VAV3: variants seen among roughly 807,000 people sequenced by gnomAD.
The protein encoded by VAV3 is vav guanine nucleotide exchange factor 3, also known as guanine nucleotide exchange factor VAV3.
A neutral mutation model predicts 131.2 loss-of-function variants in VAV3; 94 were observed. The observed-to-expected ratio is 0.72, with a 90% CI of 0.61 to 0.85. VAV3 has a LOEUF of 0.85. Ranked by LOEUF, VAV3 falls within the 40% of genes least tolerant of loss-of-function variation. The pLI is 0.00. For synonymous variants in VAV3, 349 were observed against 342.0 expected, an observed-to-expected ratio of 1.02 and a Z score of -0.22; for missense variants, 939 against 1,002.7, an observed-to-expected ratio of 0.94 and a Z score of 0.86.
At chr1:107,690,821 C>T (rs1659378931) in intron 17 of VAV3, among the ~76,000 whole-genome samples, 1 of 152,114 alleles carries the variant, frequency 6.6e-6, no homozygotes. Flanking sequence ...CCTTCCTGTC[C>T]TCATGGCCAC....
intron 25 of VAV3, among the ~76,000 whole-genome samples, chr1:107,588,719 TC>T (rs1184078783): frequency 6.6e-6 from 1 of 152,242 alleles, no homozygotes; most frequent in East Asian, 1.9e-4. Context: ...AGAAATCTTT[TC>T]ATGGTACTTC....
At chr1:107,781,438 T>C (rs1665683797) in intron 2 of VAV3, among the ~76,000 whole-genome samples, 1 of 152,236 alleles carries the variant, frequency 6.6e-6, no homozygotes, top group South Asian at 2.1e-4. Context: ...ATGCAATACA[T>C]ATGTTAATTA....
chr1:107,732,871 C>A (rs1466565745), intron 15 of VAV3, among the ~76,000 whole-genome samples: 1 of 152,200 alleles, frequency 6.6e-6, no homozygotes, highest in African/African-American at 2.4e-5. Flanking sequence ...GTTCTCCCGG[C>A]ATGGTGTTTG....
At chr1:107,933,046 T>A (rs1317444188) in intron 1 of VAV3, among the ~76,000 whole-genome samples, 2 of 152,218 alleles carry the variant, frequency 1.3e-5, no homozygotes. Flanking sequence ...TGTTAAGGAA[T>A]ATATCTCCCC....
chr1:107,962,343 AG>A (rs1340308575), intron 1 of VAV3, among the ~76,000 whole-genome samples: 1 of 152,240 alleles, frequency 6.6e-6, no homozygotes, highest in African/African-American at 2.4e-5. Flanking sequence ...CAAAATGTCT[AG>A]GGTTATCAGC....
chr1:107,623,850 A>C (rs1014654207), intron 20 of VAV3, among the ~76,000 whole-genome samples: 2 of 152,218 alleles, frequency 1.3e-5, no homozygotes, highest in African/African-American at 4.8e-5. Context: ...TTCAAAAGAC[A>C]GTACAAAATG....
intron 1 of VAV3, among the ~76,000 whole-genome samples, chr1:107,941,410 T>C (rs1178309415): frequency 2.0e-5 from 3 of 152,194 alleles, no homozygotes. Context: ...AAAAACTGCT[T>C]CCTGAGGAAG....
intron 2 of VAV3, chr1:107,785,452 A>G: frequency 1.5e-6 from 2 of 1,329,332 alleles, no homozygotes; most frequent in Non-Finnish European, 2.0e-6. Flanking sequence ...GGGAAAGGGT[A>G]CTTACAGGGA....
Position 107,704,615 on chromosome 1 carries a change from C to T in VAV3, c.1640G>A (p.Cys547Tyr). ...ACATTCTTTGTGTGCTCTCGCTCCA[C>T]ACTTAAAACATAAATAGCCTTGATA... ...TFYQGYLCFK[C>Y]GARAHKECLG... The change falls in exon 17 of 27, where the codon TGT (cysteine) becomes TAT (tyrosine). Residue 547 changes from cysteine to tyrosine, a missense_variant. By Grantham distance (194) the Cys-to-Tyr change is radical. Coordinates refer to ENST00000370056, the MANE Select transcript of VAV3 (RefSeq NM_006113.5). 1 of 1,613,842 alleles carries T rather than the reference C, an allele frequency of 6.2e-7. No individual in the cohort carries two copies. Among genetic ancestry groups the T allele is most frequent in the Non-Finnish European group, 8.5e-7 (1 of 1,179,890 alleles).
intron 1 of VAV3, among the ~76,000 whole-genome samples, chr1:107,928,285 A>G (rs1263813817): frequency 2.0e-5 from 3 of 152,136 alleles, no homozygotes; most frequent in African/African-American, 7.2e-5. Flanking sequence ...CCTTTGGAAG[A>G]AAGATAGGTA....
intron 15 of VAV3, among the ~76,000 whole-genome samples, chr1:107,734,376 A>G (rs1662455664): frequency 6.6e-6 from 1 of 152,224 alleles, no homozygotes; most frequent in Admixed American, 6.5e-5. Flanking sequence ...CCTTAAATGT[A>G]AATGGCCTAA....
intron 19 of VAV3, among the ~76,000 whole-genome samples, chr1:107,655,144 C>T (rs1467177407): frequency 2.6e-5 from 4 of 151,894 alleles, no homozygotes; most frequent in Non-Finnish European, 5.9e-5. Context: ...TATAAAAGCA[C>T]CTGAACATAA....
At chr1:107,931,379 T>C (rs932723480) in intron 1 of VAV3, among the ~76,000 whole-genome samples, 8 of 152,154 alleles carry the variant, frequency 5.3e-5, no homozygotes, top group Non-Finnish European at 5.9e-5. Flanking sequence ...AAATATCACA[T>C]TGTACCCTAT....
At chr1:107,840,844 G>C (rs546700507) in intron 2 of VAV3, among the ~76,000 whole-genome samples, 2 of 152,122 alleles carry the variant, frequency 1.3e-5, no homozygotes, top group South Asian at 2.1e-4. Flanking sequence ...ACTCCTAAAA[G>C]CAAGTGTGAA....
chr1:107,599,966 T>C (rs553606107), intron 24 of VAV3, among the ~76,000 whole-genome samples: 1 of 152,004 alleles, frequency 6.6e-6, no homozygotes, highest in East Asian at 1.9e-4. Context: ...GATCTTGATT[T>C]TGAGAAACCT....
chr1:107,880,611 C>T (rs1300171584), intron 1 of VAV3, among the ~76,000 whole-genome samples: 1 of 152,108 alleles, frequency 6.6e-6, no homozygotes, highest in East Asian at 1.9e-4. Flanking sequence ...GCCTGGCCAA[C>T]ATGGCAAAAC....
chr1:107,889,907 T>TTTG (rs1456370378), intron 1 of VAV3, among the ~76,000 whole-genome samples: 1 of 152,164 alleles, frequency 6.6e-6, no homozygotes, highest in Non-Finnish European at 1.5e-5. Context: ...ACTGTGAACA[T>TTTG]TTGTCTCAAA....
chr1:107,810,084 A>T (rs1330025556), intron 2 of VAV3, among the ~76,000 whole-genome samples: 1 of 152,242 alleles, frequency 6.6e-6, no homozygotes, highest in Non-Finnish European at 1.5e-5. Flanking sequence ...AATTTTCAAC[A>T]AAAGAAAAGA....
At chr1:107,799,413 T>C (rs771060836) in intron 2 of VAV3, among the ~76,000 whole-genome samples, 6 of 151,856 alleles carry the variant, frequency 4.0e-5, no homozygotes, top group Non-Finnish European at 7.4e-5. Context: ...AATTTTTTCA[T>C]ATCCATATTT....
Sources: gnomAD v4.1 joint callset for allele counts (sites outside exome capture counted in the v4.1 genomes callset) on GRCh38, gnomAD v4.1.1 for gene constraint, MANE v1.5 for transcripts, NCBI Gene and HGNC (gene_info 2026-07-23, HGNC 2026-07-21) for gene names.